The following PREX1 variants were observed in gnomAD, a reference collection of about 807,000 sequenced individuals.
PREX1 encodes the protein phosphatidylinositol-3,4,5-trisphosphate dependent Rac exchange factor 1.
PREX1 carries 41 observed loss-of-function variants against 198.3 expected under a neutral mutation model. The ratio of observed to expected loss-of-function variants is 0.21; its 90% CI spans 0.16 to 0.27. PREX1 has a LOEUF of 0.27. Ranked by LOEUF, PREX1 falls within the 10% of genes least tolerant of loss-of-function variation. The pLI is 1.00. For synonymous variants in PREX1, 843 were observed against 887.2 expected, an observed-to-expected ratio of 0.95 and a Z score of 0.89; for missense variants, 1,620 against 2,200.7, an observed-to-expected ratio of 0.74 and a Z score of 5.28.
intron 14 of PREX1, among the ~76,000 whole-genome samples, chr20:48,673,490 T>G (rs137961017): frequency 0.015 from 2,351 of 152,316 alleles, 26 homozygotes; most frequent in Non-Finnish European, 0.021. Context: ...CAGGCAGCTC[T>G]GAGCACTGAA....
At chr20:48,848,454 G>C in the PREX1 span, among the ~76,000 whole-genome samples, 2 of 151,742 alleles carry the variant, frequency 1.3e-5, no homozygotes, top group African/African-American at 2.4e-5. Flanking sequence ...AGAGCATTTT[G>C]CCATGTTGCC....
chr20:48,741,612 C>T (rs960719892), intron 3 of PREX1, among the ~76,000 whole-genome samples: 1 of 152,128 alleles, frequency 6.6e-6, no homozygotes, highest in Non-Finnish European at 1.5e-5. Context: ...TAGGGAGAGA[C>T]AGACAATAAG....
rs117209430 is a variant in PREX1, at chr20:48,752,438, C to A, written c.220-4558G>T. Among the ~76,000 whole-genome samples, 89 of 152,336 alleles carry A rather than the reference C, an allele frequency of 5.8e-4. No homozygotes were observed. In the East Asian group the frequency reaches 0.017, roughly 29 times the overall value. ...GCAACATCTGCTATCCAGACCCCAC[C>A]CTTACCCCACACCACATCGAGCTGC... On this transcript the variant is annotated intron_variant, in intron 1 of 39. Coordinates refer to ENST00000371941, the MANE Select transcript of PREX1 (RefSeq NM_020820.4).
At chr20:48,862,807 A>ATGTG in the PREX1 span, among the ~76,000 whole-genome samples, 17 of 126,710 alleles carry the variant, frequency 1.3e-4, 1 homozygote, top group African/African-American at 5.4e-4. Flanking sequence ...ATATATATAT[A>ATGTG]TATATACTAA....
At chr20:48,653,539 T>G in intron 19 of PREX1, 42 bp from the exon 20 acceptor site, 1 of 1,583,476 alleles carries the variant, frequency 6.3e-7, no homozygotes, top group Non-Finnish European at 8.6e-7. Context: ...GCCAGGCAAG[T>G]ACAAGCAGCC....
Position 48,733,149 on chromosome 20 carries a change from T to C in PREX1, c.519+1397A>G, listed in dbSNP as rs1347126239. Among the ~76,000 whole-genome samples the C allele has an allele frequency of 2.0e-5, 3 of 152,270 alleles. No individual in the cohort carries two copies. The East Asian group carries it at 5.8e-4, about 29-fold the overall frequency. On this transcript the variant is annotated intron_variant, in intron 4 of 39. Coordinates refer to ENST00000371941, the MANE Select transcript of PREX1 (RefSeq NM_020820.4). ...GGAGGTCACAAATGACAATCCGTTTTATACATAAGTGAGGCTCTCTACAAG... is the reference window on the plus strand; with the variant it reads ...GGAGGTCACAAATGACAATCCGTTTCATACATAAGTGAGGCTCTCTACAAG...
At chr20:48,642,661 G>C (rs2089423374) in intron 27 of PREX1, 172 bp from the exon 28 acceptor site, 1 of 577,634 alleles carries the variant, frequency 1.7e-6, no homozygotes, top group Non-Finnish European at 3.0e-6. Flanking sequence ...TGACCTCTCT[G>C]AGCCTCAGTT....
intron 7 of PREX1, among the ~76,000 whole-genome samples, chr20:48,697,568 A>C (rs1206663393): frequency 6.6e-6 from 1 of 151,848 alleles, no homozygotes; most frequent in East Asian, 1.9e-4. Flanking sequence ...TTTTTAGTAG[A>C]GATGGGGGGG....
At chr20:48,825,684 C>T (rs2090505562) in intron 1 of PREX1, among the ~76,000 whole-genome samples, 1 of 151,726 alleles carries the variant, frequency 6.6e-6, no homozygotes, top group Non-Finnish European at 1.5e-5. Context: ...TTTTCTTTCC[C>T]ATTAATATCA....
intron 15 of PREX1, among the ~76,000 whole-genome samples, chr20:48,662,133 C>T (rs1463018642): frequency 6.6e-6 from 1 of 152,178 alleles, no homozygotes; most frequent in Non-Finnish European, 1.5e-5. Flanking sequence ...TTGTGAGCCC[C>T]TTTCTCAGGC....
chr20:48,721,044 T>C (rs1319953338), intron 5 of PREX1, among the ~76,000 whole-genome samples: 1 of 152,202 alleles, frequency 6.6e-6, no homozygotes, highest in East Asian at 1.9e-4. Context: ...CCCACAGTGT[T>C]TAACAAGTTC....
At position 48,679,704 on chromosome 20, in the gene PREX1, A is replaced by G; in HGVS notation, c.1486T>C (p.Tyr496His). Residue 496 changes from tyrosine to histidine, a missense_variant, in exon 12 of 40, where the codon TAC becomes CAC. This residue lies in a region of PREX1 where 488 missense variants were observed against 802.5 expected (regional missense o/e 0.61). Coordinates refer to ENST00000371941, the MANE Select transcript of PREX1 (RefSeq NM_020820.4). ...KNEQVMYRFRYDDGTYKARSE... is the reference protein window; with the variant it reads ...KNEQVMYRFRHDDGTYKARSE... ...CGGGCCTTGTAGGTGCCATCGTCGT[A>G]GCGGAAGCGATACATCACCTGCTCA... 6.2e-7 allele frequency: 1 copy of G among 1,613,950 alleles called. No homozygotes were observed. Among genetic ancestry groups the G allele is most frequent in the Non-Finnish European group, 8.5e-7 (1 of 1,179,806 alleles).
intron 1 of PREX1, among the ~76,000 whole-genome samples, chr20:48,816,649 C>T (rs2090460505): frequency 6.6e-6 from 1 of 152,052 alleles, no homozygotes. Context: ...ACTCAAGGCA[C>T]CTCTAGGAAG....
chr20:48,634,165 T>C (rs1040220095), intron 33 of PREX1, among the ~76,000 whole-genome samples: 2 of 100,252 alleles, frequency 2.0e-5, no homozygotes, highest in African/African-American at 3.2e-5. Flanking sequence ...GATGGATGGA[T>C]GGATGGATGC....
intron 1 of PREX1, among the ~76,000 whole-genome samples, chr20:48,809,978 C>A (rs900222263): frequency 6.6e-6 from 1 of 152,180 alleles, no homozygotes; most frequent in African/African-American, 2.4e-5. Flanking sequence ...CCCTTTTCAT[C>A]TCAAAGAACA....
rs73911643 is a variant in PREX1, at chr20:48,712,048, A to C, written c.622-3627T>G. ...ACGTTGTTTAAGCCACTCTTGTTTCAGAGCTATGTCACTGCAGCTAAAACA... is the reference window on the plus strand; with the variant it reads ...ACGTTGTTTAAGCCACTCTTGTTTCCGAGCTATGTCACTGCAGCTAAAACA... On this transcript the variant is annotated intron_variant, in intron 5 of 39. Transcript: ENST00000371941. 8.0e-3 allele frequency among the ~76,000 whole-genome samples: 1,216 copies of C among 152,344 alleles called. 12 individuals are homozygous for C. The highest frequency in any genetic ancestry group is 0.028 in the African/African-American group (1,163 of 41,584).
At chr20:48,747,953 C>T in intron 1 of PREX1, 73 bp from the exon 2 acceptor site, 1 of 1,398,638 alleles carries the variant, frequency 7.1e-7, no homozygotes, top group South Asian at 1.2e-5. Flanking sequence ...ACAGAAGGCT[C>T]TCAAGTTCAA....
At chr20:48,734,726 G>A (rs1450069561) in intron 3 of PREX1, 76 bp from the exon 4 acceptor site, 4 of 1,314,092 alleles carry the variant, frequency 3.0e-6, no homozygotes, top group Non-Finnish European at 4.4e-6. Context: ...CTGACCACTG[G>A]GCTGGTAGGG....
chr20:48,787,155 G>A (rs963659812), intron 1 of PREX1, among the ~76,000 whole-genome samples: 2 of 152,138 alleles, frequency 1.3e-5, no homozygotes, highest in Non-Finnish European at 2.9e-5. Context: ...GGTGACGGGC[G>A]ACAGTGCCCA....
Sources: gnomAD v4.1 joint callset for allele counts (sites outside exome capture counted in the v4.1 genomes callset) on GRCh38, gnomAD v4.1.1 for gene constraint, gnomAD v4.1.1 regional missense constraint, MANE v1.5 for transcripts, NCBI Gene and HGNC (gene_info 2026-07-23, HGNC 2026-07-21) for gene names.